Variants in TREML2 observed in about 807,000 individuals in gnomAD.
The protein encoded by TREML2 is triggering receptor expressed on myeloid cells like 2, also known as trem-like transcript 2 protein.
In TREML2, 24 loss-of-function variants were observed where a neutral mutation model predicts 25.9. That is an observed-to-expected ratio of 0.93 (90% CI 0.67 to 1.30). The LOEUF is 1.30. Ranked by LOEUF, TREML2 falls within the 50% of genes most tolerant of loss-of-function variation. The pLI, the probability that TREML2 is intolerant of heterozygous loss-of-function variation, is 0.00. For synonymous variants in TREML2, 139 were observed against 155.2 expected, an observed-to-expected ratio of 0.90 and a Z score of 0.77; for missense variants, 359 against 395.6, an observed-to-expected ratio of 0.91 and a Z score of 0.78.
intron 1 of TREML2, among the ~76,000 whole-genome samples, chr6:41,199,207 A>C (rs1037627383): frequency 7.2e-5 from 11 of 152,236 alleles, no homozygotes; most frequent in Non-Finnish European, 1.6e-4. Flanking sequence ...GCCCTCAGTG[A>C]GACAGATGCA....
In TREML2 at chr6:41,194,523, G is replaced by A. The variant is rs1171160868; in HGVS notation, c.687C>T (p.Ser229=). ...TGGTGCTGAGGTCCCCAGACTTAGT[G>A]GAGATGGATTCTGGGCCAGCAGAGG... ...RDSSAGPESI[S]TKSGDLSTRS... The change falls in exon 3 of 5, where the codon TCC becomes TCT. Residue 229 remains serine, a synonymous_variant. Transcript: ENST00000483722. 6.2e-7 allele frequency: 1 copy of A among 1,613,956 alleles called. No homozygotes were observed. The highest frequency in any genetic ancestry group is 1.1e-5 in the South Asian group (1 of 91,048).
intron 2 of TREML2, 81 bp from the exon 3 acceptor site, chr6:41,194,914 G>T: frequency 7.4e-7 from 1 of 1,342,888 alleles, no homozygotes; most frequent in Non-Finnish European, 1.0e-6. Context: ...CCACACAGTT[G>T]CCTGGAAGCC....
Position 41,201,012 on chromosome 6 carries a change from T to C in TREML2, c.-4A>G. 6.2e-7 allele frequency: 1 copy of C among 1,609,096 alleles called. No individual in the cohort carries two copies. The highest frequency in any genetic ancestry group is 8.5e-7 in the Non-Finnish European group (1 of 1,177,332). ...GCAGCAGGAAGGCTGGGGCCATGGT[T>C]CCATCCAGCTGGGCAGTGTCAGGCC... On this transcript the variant is annotated 5_prime_UTR_variant, in exon 1 of 5. Coordinates refer to ENST00000483722, the MANE Select transcript of TREML2 (RefSeq NM_024807.4).
At chr6:41,192,733 G>A (rs534027589) in intron 4 of TREML2, 68 bp downstream of exon 4, 2 of 1,432,998 alleles carry the variant, frequency 1.4e-6, no homozygotes, top group Admixed American at 1.8e-5. Context: ...GGGGACTCGA[G>A]GTCATAACCC....
intron 2 of TREML2, among the ~76,000 whole-genome samples, chr6:41,196,437 T>C (rs1766166259): frequency 6.6e-6 from 1 of 152,200 alleles, no homozygotes; most frequent in Non-Finnish European, 1.5e-5. Flanking sequence ...AGCTGAGTCC[T>C]TTCCCTTTTC....
rs1220110999 is a variant in TREML2 at position 41,198,374 on chromosome 6, C to T, written c.111G>A (p.Leu37=). The change falls in exon 2 of 5, where the codon CTG becomes CTA. Residue 37 remains leucine (L), a synonymous_variant. Transcript: ENST00000483722. ...TKVRLLEGET[L]SVQCSYKGYK... ...AGCCCTTATAGGAGCACTGCACAGA[C>T]AGAGTCTCCCCTTCAAGGAGCCTCA... 6.2e-7 allele frequency: 1 copy of T among 1,614,222 alleles called. No homozygotes were observed. The highest frequency in any genetic ancestry group is 1.7e-5 in the Admixed American group (1 of 60,024).
chr6:41,192,999 C>G, intron 3 of TREML2, 98 bp from the exon 4 acceptor site: 1 of 997,204 alleles, frequency 1.0e-6, no homozygotes, highest in Non-Finnish European at 1.4e-6. Context: ...TGAGAGCGTG[C>G]CCTTCCCGGG....
In TREML2 at chr6:41,192,265, C is replaced by A. The variant is rs1489112174; in HGVS notation, c.*162G>T. Reference sequence around the variant, plus strand: ...CCAAGGAGAACACTGGGCTGTGGGGCTGCTTAGGATGGCAGCCTCTGGGTT... The same window carrying A: ...CCAAGGAGAACACTGGGCTGTGGGGATGCTTAGGATGGCAGCCTCTGGGTT... On this transcript the variant is annotated 3_prime_UTR_variant, in exon 5 of 5. Coordinates refer to ENST00000483722, the MANE Select transcript of TREML2 (RefSeq NM_024807.4). 3.1e-6 allele frequency: 2 copies of A among 639,890 alleles called. No individual in the cohort carries two copies. The highest frequency in any genetic ancestry group is 2.8e-6 in the Non-Finnish European group (1 of 355,540). The allele number at this position is 639,890 out of a possible 1,614,324, so 39.6% of individuals were successfully genotyped here. A position where few individuals can be genotyped will look rare whatever the true frequency, so the allele number is the denominator to read the frequency against.
At chr6:41,192,975 A>G in intron 3 of TREML2, 74 bp from the exon 4 acceptor site, 1 of 1,271,238 alleles carries the variant, frequency 7.9e-7, no homozygotes, top group Middle Eastern at 2.2e-4. Flanking sequence ...GGATCGGACC[A>G]GCAGCAGAAA....
In TREML2 at chr6:41,201,011, T is replaced by A; in HGVS notation, c.-3A>T. On this transcript the variant is annotated 5_prime_UTR_variant, in exon 1 of 5. Coordinates refer to ENST00000483722, the MANE Select transcript of TREML2 (RefSeq NM_024807.4). The stretch of plus-strand genomic sequence containing the variant: ...AGCAGCAGGAAGGCTGGGGCCATGG[T>A]TCCATCCAGCTGGGCAGTGTCAGGC... 6.2e-7 allele frequency: 1 copy of A among 1,608,804 alleles called. No homozygotes were observed. Among genetic ancestry groups the A allele is most frequent in the South Asian group, 1.1e-5 (1 of 90,508 alleles).
chr6:41,192,356 C>T lies in TREML2; in HGVS notation c.*71G>A. The stretch of plus-strand genomic sequence containing the variant: ...AGCTTCATAAGATCGATACTGGCCC[C>T]AATCTTCACCCCTCCTCTAACCCCC... On this transcript the variant is annotated 3_prime_UTR_variant, in exon 5 of 5. Transcript: ENST00000483722. 1.6e-6 allele frequency: 2 copies of T among 1,238,642 alleles called. No individual in the cohort carries two copies. The highest frequency in any genetic ancestry group is 1.2e-6 in the Non-Finnish European group (1 of 849,910). 76.7% of individuals were successfully genotyped at this position (1,238,642 alleles called of 1,614,324 possible). A position where few individuals can be genotyped will look rare whatever the true frequency, so the allele number is the denominator to read the frequency against.
At chr6:41,195,415 G>A (rs1446572983) in intron 2 of TREML2, among the ~76,000 whole-genome samples, 1 of 152,198 alleles carries the variant, frequency 6.6e-6, no homozygotes, top group Non-Finnish European at 1.5e-5. Context: ...AGTGGATGAG[G>A]AGGGAGGTGG....
intron 3 of TREML2, 150 bp downstream of exon 3, chr6:41,194,275 T>C: frequency 1.7e-6 from 1 of 577,674 alleles, no homozygotes; most frequent in Non-Finnish European, 2.6e-6. Flanking sequence ...CCATCCTTTA[T>C]GTCACTTCCA....
intron 3 of TREML2, 107 bp downstream of exon 3, chr6:41,194,318 T>C (rs1766118600): frequency 1.6e-5 from 18 of 1,134,872 alleles, no homozygotes; most frequent in Middle Eastern, 3.1e-4. Flanking sequence ...GCAGGCCACA[T>C]TGGGTTCCTG....
chr6:41,192,069 T>A lies in TREML2; in HGVS notation c.*358A>T. ...GGGAGGGCAGCTCAGCCCAATAGGG[T>A]TTCTGAGGCAGACGGGAGCTGAGGT... is the stretch of plus-strand genomic sequence containing the variant. On this transcript the variant is annotated 3_prime_UTR_variant, in exon 5 of 5. Coordinates refer to ENST00000483722, the MANE Select transcript of TREML2 (RefSeq NM_024807.4). The A allele has an allele frequency of 3.8e-6, 1 of 264,764 alleles. No homozygotes were observed. Among genetic ancestry groups the A allele is most frequent in the Non-Finnish European group, 7.4e-6 (1 of 134,544 alleles). 16.4% of individuals were successfully genotyped at this position (264,764 alleles called of 1,614,324 possible). A position where few individuals can be genotyped will look rare whatever the true frequency, so the allele number is the denominator to read the frequency against.
chr6:41,193,223 G>A (rs1766099169), intron 3 of TREML2, among the ~76,000 whole-genome samples: 1 of 152,094 alleles, frequency 6.6e-6, no homozygotes, highest in Non-Finnish European at 1.5e-5. Flanking sequence ...CTCCTCAAGG[G>A]GTCTGAGGAT....
In TREML2 at chr6:41,201,034, G is replaced by A. The variant is rs1449791728; in HGVS notation, c.-26C>T. 1.9e-6 allele frequency: 3 copies of A among 1,611,796 alleles called. No individual in the cohort carries two copies. The highest frequency in any genetic ancestry group is 1.7e-6 in the Non-Finnish European group (2 of 1,178,842). ...GGTTCCATCCAGCTGGGCAGTGTCA[G>A]GCCTGGAGATCCAAGGTGAGGGCCC... On this transcript the variant is annotated 5_prime_UTR_variant, in exon 1 of 5. Transcript: ENST00000483722.
At chr6:41,194,319 TGG>T in intron 3 of TREML2, 104 bp downstream of exon 3, 1 of 1,182,886 alleles carries the variant, frequency 8.5e-7, no homozygotes, top group East Asian at 2.7e-5. Flanking sequence ...CAGGCCACAT[TGG>T]GTTCCTGGGG....
At chr6:41,193,082 G>A (rs551699479) in intron 3 of TREML2, among the ~76,000 whole-genome samples, 181 bp from the exon 4 acceptor site, 25 of 152,234 alleles carry the variant, frequency 1.6e-4, no homozygotes, top group Non-Finnish European at 2.6e-4. Flanking sequence ...AGAGGAGGAC[G>A]TCCCCAGGTA....
Sources: allele counts gnomAD v4.1 joint callset (sites outside exome capture counted in the v4.1 genomes callset), GRCh38; gene constraint gnomAD v4.1.1; transcripts MANE v1.5; gene names NCBI Gene and HGNC (gene_info 2026-07-23, HGNC 2026-07-21).